The following CLIC4 variants were observed in gnomAD, a reference collection of about 807,000 sequenced individuals.
CLIC4 encodes chloride intracellular channel protein 4.
Under a neutral mutation model 24.6 loss-of-function variants are expected in CLIC4, and 13 were observed. The ratio of observed to expected loss-of-function variants is 0.53; its 90% CI spans 0.34 to 0.84. The LOEUF (loss-of-function observed/expected upper bound fraction) is 0.84. CLIC4 is among the 40% of genes least tolerant of loss of function. The pLI is 0.01. For missense variants in CLIC4, 227 were observed against 301.7 expected, an observed-to-expected ratio of 0.75 and a Z score of 1.83; for synonymous variants, 104 against 111.3, an observed-to-expected ratio of 0.93 and a Z score of 0.41.
chr1:24,803,391 C>T (rs1205846667), intron 2 of CLIC4, among the ~76,000 whole-genome samples: 1 of 152,132 alleles, frequency 6.6e-6, no homozygotes, highest in Non-Finnish European at 1.5e-5. Context: ...ATGATTGTTA[C>T]ATGACATTTC....
At position 24,805,106 on chromosome 1, in the gene CLIC4, C is replaced by CAAAA. The variant is rs1346139781; in HGVS notation, c.182+7256_182+7257insAAAA. Among the ~76,000 whole-genome samples the CAAAA allele has an allele frequency of 3.7e-3, 317 of 86,832 alleles. 2 individuals are homozygous for CAAAA. Among genetic ancestry groups the CAAAA allele is most frequent in the South Asian group, 6.8e-3 (20 of 2,950 alleles). 57.0% of individuals were successfully genotyped at this position (86,832 alleles called of 152,430 possible). A position where few individuals can be genotyped will look rare whatever the true frequency, so the allele number is the denominator to read the frequency against. On this transcript the variant is annotated intron_variant, in intron 2 of 5. Coordinates refer to ENST00000374379, the MANE Select transcript of CLIC4 (RefSeq NM_013943.3). Reference sequence around the variant, plus strand: ...CATGTCAAAAAAAAAAAAAAAAAAACACAAAAACAAAGACAAACGAATTAT... The same window carrying CAAAA: ...CATGTCAAAAAAAAAAAAAAAAAAACAAAAACAAAAACAAAGACAAACGAATTAT...
chr1:24,831,391 A>T (rs1221306582), intron 4 of CLIC4, among the ~76,000 whole-genome samples: 7 of 152,312 alleles, frequency 4.6e-5, no homozygotes, highest in African/African-American at 1.7e-4. Context: ...TAAACCTTGT[A>T]AATTTAGGAT....
chr1:24,792,380 TG>T (rs1460276911), intron 1 of CLIC4, among the ~76,000 whole-genome samples: 1 of 152,004 alleles, frequency 6.6e-6, no homozygotes, highest in African/African-American at 2.4e-5. Context: ...TTAGTAGAGA[TG>T]GGGTATTGCT....
At chr1:24,761,979 T>A (rs1014367152) in intron 1 of CLIC4, among the ~76,000 whole-genome samples, 3 of 152,098 alleles carry the variant, frequency 2.0e-5, no homozygotes, top group Non-Finnish European at 4.4e-5. Context: ...ATAAGATGGC[T>A]GAGATGTCAA....
At chr1:24,798,195 C>G (rs1032792417) in intron 2 of CLIC4, among the ~76,000 whole-genome samples, 4 of 152,050 alleles carry the variant, frequency 2.6e-5, no homozygotes, top group African/African-American at 7.3e-5. Context: ...TCATCTTGGC[C>G]CCAAATGTGT....
intron 2 of CLIC4, among the ~76,000 whole-genome samples, chr1:24,810,538 T>A (rs1639602078): frequency 6.6e-6 from 1 of 152,222 alleles, no homozygotes; most frequent in African/African-American, 2.4e-5. Context: ...TATATCTACC[T>A]ATTTTACTAT....
intron 1 of CLIC4, among the ~76,000 whole-genome samples, chr1:24,777,539 A>T (rs1019317246): frequency 3.9e-5 from 6 of 152,176 alleles, no homozygotes; most frequent in Non-Finnish European, 8.8e-5. Context: ...GCAAAAAAAA[A>T]GAACAAATAG....
chr1:24,792,983 TA>T (rs1188658722), intron 1 of CLIC4, among the ~76,000 whole-genome samples: 1 of 152,176 alleles, frequency 6.6e-6, no homozygotes, highest in Non-Finnish European at 1.5e-5. Flanking sequence ...GCTTTTAGTT[TA>T]ACGTGTTTCT....
intron 3 of CLIC4, among the ~76,000 whole-genome samples, chr1:24,817,243 TGAAG>T (rs1639680620): frequency 6.6e-6 from 1 of 151,768 alleles, no homozygotes; most frequent in South Asian, 2.1e-4. Context: ...ATGAAGGTGA[TGAAG>T]GAAGATCTAG....
intron 1 of CLIC4, among the ~76,000 whole-genome samples, chr1:24,748,638 G>A (rs1036320912): frequency 6.6e-6 from 1 of 151,044 alleles, no homozygotes; most frequent in Non-Finnish European, 1.5e-5. Flanking sequence ...TGCCTTCCGA[G>A]GAGCGCATGC....
chr1:24,776,663 A>G (rs903217653), intron 1 of CLIC4, among the ~76,000 whole-genome samples: 3 of 152,224 alleles, frequency 2.0e-5, no homozygotes, highest in Admixed American at 6.5e-5. Flanking sequence ...GAGTTTGGCC[A>G]GGTGTCATGG....
At chr1:24,773,698 G>C (rs933069271) in intron 1 of CLIC4, among the ~76,000 whole-genome samples, 2 of 147,734 alleles carry the variant, frequency 1.4e-5, no homozygotes, top group Non-Finnish European at 3.0e-5. Context: ...CTGGGCTCAA[G>C]TGATCCTCCT....
intron 3 of CLIC4, among the ~76,000 whole-genome samples, chr1:24,824,576 C>T (rs991807421): frequency 2.6e-5 from 4 of 151,670 alleles, no homozygotes; most frequent in Non-Finnish European, 5.9e-5. Context: ...TCTCGTTTGT[C>T]AATACTTTTA....
intron 3 of CLIC4, among the ~76,000 whole-genome samples, chr1:24,825,038 AC>A (rs1216299172): frequency 3.3e-5 from 5 of 151,298 alleles, no homozygotes; most frequent in Non-Finnish European, 5.9e-5. Context: ...ACACACACAC[AC>A]AAAAGTACAA....
rs1482053596 is a variant in CLIC4, at chr1:24,843,418, C to A, written c.*2481C>A. The A allele has an allele frequency of 6.6e-6, 1 of 152,168 alleles. No individual in the cohort carries two copies. The highest frequency in any genetic ancestry group is 2.4e-5 in the African/African-American group (1 of 41,444). The allele number at this position is 152,168 out of a possible 1,614,324, so 9.4% of individuals were successfully genotyped here. A position where few individuals can be genotyped will look rare whatever the true frequency, so the allele number is the denominator to read the frequency against. ...AAATAATCTGATTTTATTTTTACAACTAACATCCATTCCCCTTCATTTAAA... is the reference window on the plus strand; with the variant it reads ...AAATAATCTGATTTTATTTTTACAAATAACATCCATTCCCCTTCATTTAAA... On this transcript the variant is annotated 3_prime_UTR_variant, in exon 6 of 6. Transcript: ENST00000374379.
intron 1 of CLIC4, among the ~76,000 whole-genome samples, chr1:24,773,767 T>C (rs1235137310): frequency 1.3e-5 from 2 of 151,834 alleles, no homozygotes; most frequent in Non-Finnish European, 1.5e-5. Flanking sequence ...TGGCTAATTT[T>C]CTTATTTTTC....
At chr1:24,798,187 A>G (rs999836112) in intron 2 of CLIC4, among the ~76,000 whole-genome samples, 3 of 152,220 alleles carry the variant, frequency 2.0e-5, no homozygotes, top group African/African-American at 7.2e-5. Context: ...AGCAGACATC[A>G]TCTTGGCCCC....
At chr1:24,771,911 A>G in intron 1 of CLIC4, 1 of 510,668 alleles carries the variant, frequency 2.0e-6, no homozygotes, top group Non-Finnish European at 3.9e-6. Flanking sequence ...CTTGGAGGTG[A>G]TGTTCAGTCC....
At position 24,842,538 on chromosome 1, in the gene CLIC4, G is replaced by C. The variant is rs188432629; in HGVS notation, c.*1601G>C. ...TAGTAAGCACTGGCTTTATGAAAGC[G>C]GCTTTTTATAAGTATACTGCATTTT... On this transcript the variant is annotated 3_prime_UTR_variant, in exon 6 of 6. Coordinates refer to ENST00000374379, the MANE Select transcript of CLIC4 (RefSeq NM_013943.3). 3.6e-4 allele frequency: 55 copies of C among 152,098 alleles called. No homozygotes were observed. Among genetic ancestry groups the C allele is most frequent in the African/African-American group, 1.3e-3 (53 of 41,502 alleles). The allele number at this position is 152,098 out of a possible 1,614,324, so 9.4% of individuals were successfully genotyped here. A position where few individuals can be genotyped will look rare whatever the true frequency, so the allele number is the denominator to read the frequency against.
Sources: allele counts gnomAD v4.1 joint callset (sites outside exome capture counted in the v4.1 genomes callset), GRCh38; gene constraint gnomAD v4.1.1; transcripts MANE v1.5; gene names NCBI Gene and HGNC (gene_info 2026-07-23, HGNC 2026-07-21).